The following SLC22A25 variants were observed in gnomAD, a reference collection of about 807,000 sequenced individuals.
SLC22A25 encodes the protein MGI:2442751, MGI:2385316, MGI:3042283, MGI:3645714, MGI:3605624, MGI:2442750.
In SLC22A25, 44 loss-of-function variants were observed where a neutral mutation model predicts 45.9. The ratio of observed to expected loss-of-function variants is 0.96; its 90% CI spans 0.75 to 1.23. The LOEUF (loss-of-function observed/expected upper bound fraction) is 1.23. Ranked by LOEUF, SLC22A25 falls within the 50% of genes most tolerant of loss-of-function variation. The pLI is 0.00. For synonymous variants in SLC22A25, 283 were observed against 238.6 expected, an observed-to-expected ratio of 1.19 and a Z score of -1.72; for missense variants, 800 against 666.4, an observed-to-expected ratio of 1.20 and a Z score of -2.21.
intron 9 of SLC22A25, among the ~76,000 whole-genome samples, chr11:63,176,411 C>A (rs2088090731): frequency 6.6e-6 from 1 of 151,296 alleles, no homozygotes; most frequent in African/African-American, 2.4e-5. Flanking sequence ...TTTCAGTGTA[C>A]AAGTCTTTTG....
In SLC22A25 at chr11:63,164,074, C is replaced by G. The variant is rs181777319; in HGVS notation, c.1395-1G>C. On this transcript the variant is annotated splice_acceptor_variant, in intron 11 of 11. Coordinates refer to ENST00000306494, the MANE Select transcript of SLC22A25 (RefSeq NM_199352.6). LOFTEE classifies it high-confidence loss of function. The stretch of plus-strand genomic sequence containing the variant: ...TCCAGTGATTCCAGTAGCTCTTCCC[C>G]TTGGAGTAAAAACAGCAACAGAGGA... 5 of 1,571,974 alleles carry G rather than the reference C, an allele frequency of 3.2e-6. No individual in the cohort carries two copies. Among genetic ancestry groups the G allele is most frequent in the Non-Finnish European group, 4.3e-6 (5 of 1,161,840 alleles).
chr11:63,186,931 T>C (rs995598724), intron 7 of SLC22A25, among the ~76,000 whole-genome samples: 1 of 152,224 alleles, frequency 6.6e-6, no homozygotes, highest in Non-Finnish European at 1.5e-5. Context: ...AGTACCATGC[T>C]GTTTTGGTGA....
intron 1 of SLC22A25, among the ~76,000 whole-genome samples, chr11:63,242,871 G>T (rs887947930): frequency 2.0e-5 from 3 of 152,124 alleles, no homozygotes; most frequent in Non-Finnish European, 2.9e-5. Flanking sequence ...AGCGAGGCAG[G>T]CAGGGAAGCT....
At chr11:63,173,510 A>G (rs1026182521) in intron 9 of SLC22A25, among the ~76,000 whole-genome samples, 2 of 152,154 alleles carry the variant, frequency 1.3e-5, no homozygotes, top group Non-Finnish European at 2.9e-5. Flanking sequence ...TAACTTTCTT[A>G]TACCAGAGGC....
chr11:63,161,840 C>T lies in SLC22A25; in HGVS notation c.*1984G>A, dbSNP rs1462285319. Among the ~76,000 whole-genome samples the T allele has an allele frequency of 2.6e-5, 4 of 152,190 alleles. No homozygotes were observed. Among genetic ancestry groups the T allele is most frequent in the African/African-American group, 7.2e-5 (3 of 41,438 alleles). Reference sequence around the variant, plus strand: ...TCTATTTTTAATTTTTTTGAGGAATCTCCAAACTCTTCTCCATAGTGATTG... The same window carrying T: ...TCTATTTTTAATTTTTTTGAGGAATTTCCAAACTCTTCTCCATAGTGATTG... On this transcript the variant is annotated 3_prime_UTR_variant, in exon 12 of 12. Coordinates refer to ENST00000306494, the MANE Select transcript of SLC22A25 (RefSeq NM_199352.6).
chr11:63,236,624 A>G (rs1428256920), intron 3 of SLC22A25, among the ~76,000 whole-genome samples: 3 of 152,086 alleles, frequency 2.0e-5, no homozygotes, highest in Non-Finnish European at 4.4e-5. Flanking sequence ...GCTTTGGCTC[A>G]TGCACGGTGT....
At chr11:63,169,969 C>T (rs1432450035) in intron 9 of SLC22A25, among the ~76,000 whole-genome samples, 4 of 152,204 alleles carry the variant, frequency 2.6e-5, no homozygotes, top group Admixed American at 2.0e-4. Flanking sequence ...ACAAGTCTCT[C>T]AGACCACAGT....
intron 8 of SLC22A25, among the ~76,000 whole-genome samples, chr11:63,182,672 C>T (rs1168606700): frequency 1.3e-5 from 2 of 151,912 alleles, no homozygotes; most frequent in African/African-American, 2.4e-5. Flanking sequence ...TTTATTTCTT[C>T]CTGCCACCTT....
intron 7 of SLC22A25, among the ~76,000 whole-genome samples, chr11:63,201,523 A>T (rs867521539): frequency 6.6e-6 from 1 of 152,212 alleles, no homozygotes. Flanking sequence ...TAAATTGAAA[A>T]CTTAAACGTA....
At chr11:63,180,887 G>A in intron 8 of SLC22A25, 112 bp from the exon 9 acceptor site, 1 of 679,144 alleles carries the variant, frequency 1.5e-6, no homozygotes, top group South Asian at 2.0e-5. Context: ...TTTCTGTCTA[G>A]CAGAAAATAC....
In SLC22A25 at chr11:63,180,630, A is replaced by G. The variant is rs371895941; in HGVS notation, c.1070+30T>C. 4 of 1,474,348 alleles carry G rather than the reference A, an allele frequency of 2.7e-6. No individual in the cohort carries two copies. The African/African-American group carries it at 4.2e-5, about 16-fold the overall frequency. 91.3% of individuals were successfully genotyped at this position (1,474,348 alleles called of 1,614,324 possible). A position where few individuals can be genotyped will look rare whatever the true frequency, so the allele number is the denominator to read the frequency against. ...AATGGATTTATGTCTCCTCTATTTT[A>G]ACATTCCTCACACACTGCATGAAAC... On this transcript the variant is annotated intron_variant, in intron 9 of 11. Coordinates refer to ENST00000306494, the MANE Select transcript of SLC22A25 (RefSeq NM_199352.6).
chr11:63,235,584 T>C (rs1326046290), intron 3 of SLC22A25, among the ~76,000 whole-genome samples: 8 of 152,216 alleles, frequency 5.3e-5, no homozygotes, highest in Admixed American at 1.3e-4. Context: ...TTGCCATTGG[T>C]TTAAACTTCC....
chr11:63,174,032 C>T (rs2087993235), intron 9 of SLC22A25, among the ~76,000 whole-genome samples: 1 of 151,748 alleles, frequency 6.6e-6, no homozygotes, highest in African/African-American at 2.4e-5. Context: ...GGTATTTCTC[C>T]TAATGTTATC....
chr11:63,179,733 T>C (rs927624679), intron 9 of SLC22A25, among the ~76,000 whole-genome samples: 1 of 152,174 alleles, frequency 6.6e-6, no homozygotes, highest in African/African-American at 2.4e-5. Flanking sequence ...ATCAGACACA[T>C]ACTGAGCTCC....
chr11:63,208,914 G>A (rs947399074), intron 7 of SLC22A25, among the ~76,000 whole-genome samples: 1 of 152,294 alleles, frequency 6.6e-6, no homozygotes, highest in East Asian at 1.9e-4. Context: ...GGACCCAAGA[G>A]TGAAAGTGTG....
At chr11:63,209,404 T>C (rs1299189049) in intron 7 of SLC22A25, among the ~76,000 whole-genome samples, 1 of 152,058 alleles carries the variant, frequency 6.6e-6, no homozygotes, top group Non-Finnish European at 1.5e-5. Context: ...CCCCCATATG[T>C]GCCAGTCTAC....
chr11:63,174,516 G>T (rs867619887), intron 9 of SLC22A25, among the ~76,000 whole-genome samples: 1 of 152,088 alleles, frequency 6.6e-6, no homozygotes, highest in Non-Finnish European at 1.5e-5. Context: ...GGTAAAACAC[G>T]TATCCTGTGA....
intron 9 of SLC22A25, among the ~76,000 whole-genome samples, chr11:63,174,370 G>A (rs1165992533): frequency 6.6e-6 from 1 of 152,106 alleles, no homozygotes; most frequent in Non-Finnish European, 1.5e-5. Context: ...CAATGGTCAG[G>A]CAGGCATAAA....
At chr11:63,193,570 C>T (rs546584886) in intron 7 of SLC22A25, among the ~76,000 whole-genome samples, 1 of 152,304 alleles carries the variant, frequency 6.6e-6, no homozygotes, top group East Asian at 1.9e-4. Flanking sequence ...AGCTGAGGGT[C>T]CTGATTGTTG....
Sources: allele counts gnomAD v4.1 joint callset (sites outside exome capture counted in the v4.1 genomes callset), GRCh38; gene constraint gnomAD v4.1.1; transcripts MANE v1.5; gene names NCBI Gene and HGNC (gene_info 2026-07-23, HGNC 2026-07-21).